GLI2: variants seen among roughly 807,000 people sequenced by gnomAD.
The protein encoded by GLI2 is transcription activator GLI2.
Under a neutral mutation model 78.9 loss-of-function variants are expected in GLI2, and 22 were observed. The ratio of observed to expected loss-of-function variants is 0.28; its 90% CI spans 0.20 to 0.40. The LOEUF is 0.40. Ranked by LOEUF, GLI2 falls within the 10% of genes least tolerant of loss-of-function variation. The pLI, the probability that GLI2 is intolerant of heterozygous loss-of-function variation, is 1.00. For synonymous variants in GLI2, 974 were observed against 963.7 expected (o/e 1.01, Z -0.20); for missense variants, 2,097 against 2,213.2 (o/e 0.95, Z 1.05).
chr2:120,808,769 TC>T lies in GLI2; in HGVS notation c.148+11305del, dbSNP rs1685080334. Among the ~76,000 whole-genome samples, 6 of 152,238 alleles carry T rather than the reference TC, an allele frequency of 3.9e-5. No individual in the cohort carries two copies. The South Asian group carries it at 1.2e-3, about 32-fold the overall frequency. The stretch of plus-strand genomic sequence containing the variant: ...GTCTGTGAAATGGGGGTGACAAGGC[TC>T]CCCTCAGCCAACTCTGTAGTGCAGG... On this transcript the variant is annotated intron_variant, in intron 2 of 13. Coordinates refer to ENST00000361492, the MANE Select transcript of GLI2 (RefSeq NM_001374353.1).
In GLI2 at chr2:120,857,671, C is replaced by T. The variant is rs562322531; in HGVS notation, c.148+60203C>T. ...CCTATCCATTCATCCACCCACCAGG[C>T]CACCCCGCTATCCAATGCATTTTTC... On this transcript the variant is annotated intron_variant, in intron 2 of 13. Transcript: ENST00000361492. Among the ~76,000 whole-genome samples the T allele has an allele frequency of 1.6e-4, 24 of 152,278 alleles. No homozygotes were observed. The South Asian group carries it at 3.5e-3, about 22-fold the overall frequency.
At chr2:120,928,759 T>TAA (rs1679812397) in intron 3 of GLI2, among the ~76,000 whole-genome samples, 1 of 152,248 alleles carries the variant, frequency 6.6e-6, no homozygotes, top group Non-Finnish European at 1.5e-5. Context: ...AAAACTGTTT[T>TAA]ACTTTTAAAT....
chr2:120,913,612 A>G (rs1042120661), intron 2 of GLI2, among the ~76,000 whole-genome samples: 4 of 152,322 alleles, frequency 2.6e-5, no homozygotes, highest in African/African-American at 9.6e-5. Flanking sequence ...TTTGAGTAAC[A>G]TAATTATTGG....
chr2:120,819,046 A>G (rs1397978270), intron 2 of GLI2, among the ~76,000 whole-genome samples: 2 of 152,130 alleles, frequency 1.3e-5, no homozygotes, highest in Non-Finnish European at 2.9e-5. Context: ...GGCTTTTATC[A>G]TACACTCTTA....
At chr2:120,827,811 C>T (rs577281345) in intron 2 of GLI2, among the ~76,000 whole-genome samples, 2 of 152,260 alleles carry the variant, frequency 1.3e-5, no homozygotes, top group South Asian at 2.1e-4. Flanking sequence ...TCCACTTATA[C>T]GCGGTCCCTA....
chr2:120,798,644 A>T (rs748947039), intron 2 of GLI2, among the ~76,000 whole-genome samples: 3 of 152,150 alleles, frequency 2.0e-5, no homozygotes, highest in Non-Finnish European at 4.4e-5. Flanking sequence ...GAGCTGGACG[A>T]TGCCTCTCCA....
chr2:120,889,066 C>T (rs765061387), intron 2 of GLI2, among the ~76,000 whole-genome samples: 18 of 152,134 alleles, frequency 1.2e-4, no homozygotes, highest in African/African-American at 3.6e-4. Flanking sequence ...ATGGGTTGGG[C>T]GCTGCAGGAC....
chr2:120,833,136 T>C (rs1329435658), intron 2 of GLI2, among the ~76,000 whole-genome samples: 1 of 151,964 alleles, frequency 6.6e-6, no homozygotes, highest in Non-Finnish European at 1.5e-5. Flanking sequence ...TGCCTTTCTC[T>C]CCTGTCCACC....
At chr2:120,971,869 A>T in intron 7 of GLI2, 72 bp from the exon 8 acceptor site, 1 of 1,393,316 alleles carries the variant, frequency 7.2e-7, no homozygotes, top group Non-Finnish European at 1.0e-6. Flanking sequence ...TCCTAGAGTT[A>T]AAGTCCAAAA....
chr2:120,746,385 C>G (rs919977545), intron 1 of GLI2, among the ~76,000 whole-genome samples: 1 of 152,190 alleles, frequency 6.6e-6, no homozygotes, highest in Non-Finnish European at 1.5e-5. Context: ...TCGAGCTGCA[C>G]CCCCCCAGAA....
Position 120,787,914 on chromosome 2 carries a change from T to C in GLI2, c.-30-9377T>C, listed in dbSNP as rs145759444. ...CAACCCGAGAGTTTAGATGTCAGACTGTAGAGGCGCTGGCACCAGGGTGGG... is the reference window on the plus strand; with the variant it reads ...CAACCCGAGAGTTTAGATGTCAGACCGTAGAGGCGCTGGCACCAGGGTGGG... On this transcript the variant is annotated intron_variant, in intron 1 of 13. Coordinates refer to ENST00000361492, the MANE Select transcript of GLI2 (RefSeq NM_001374353.1). Among the ~76,000 whole-genome samples the C allele has an allele frequency of 4.9e-3, 744 of 152,254 alleles. 6 individuals carry two copies. The highest frequency in any genetic ancestry group is 0.017 in the African/African-American group (710 of 41,548).
At chr2:120,741,331 A>T (rs192604164) in intron 1 of GLI2, among the ~76,000 whole-genome samples, 2 of 151,920 alleles carry the variant, frequency 1.3e-5, no homozygotes, top group Admixed American at 6.5e-5. Flanking sequence ...TCTATTGTAC[A>T]CATGTCCGCC....
intron 2 of GLI2, among the ~76,000 whole-genome samples, chr2:120,821,226 A>T (rs1341143128): frequency 6.6e-6 from 1 of 152,132 alleles, no homozygotes; most frequent in Non-Finnish European, 1.5e-5. Context: ...CAGATGCGCC[A>T]GGAGGGTTCT....
intron 3 of GLI2, among the ~76,000 whole-genome samples, chr2:120,936,892 A>C (rs1680224734): frequency 6.6e-6 from 1 of 152,172 alleles, no homozygotes; most frequent in Non-Finnish European, 1.5e-5. Flanking sequence ...GCTGAGGGAA[A>C]ATGTGAGCAG....
At chr2:120,858,890 C>G (rs1279397873) in intron 2 of GLI2, among the ~76,000 whole-genome samples, 2 of 152,228 alleles carry the variant, frequency 1.3e-5, no homozygotes, top group South Asian at 2.1e-4. Context: ...AGGGCAGACT[C>G]TATCCCCAGG....
chr2:120,766,644 G>A (rs575533176), intron 1 of GLI2, among the ~76,000 whole-genome samples: 4 of 152,236 alleles, frequency 2.6e-5, no homozygotes, highest in Admixed American at 6.5e-5. Flanking sequence ...GACTGGCCTG[G>A]TGGCATCCTG....
chr2:120,749,210 T>G (rs780123066), intron 1 of GLI2, among the ~76,000 whole-genome samples: 4 of 152,238 alleles, frequency 2.6e-5, no homozygotes, highest in Non-Finnish European at 2.9e-5. Context: ...TATAAATGAA[T>G]TTTGGGAAAT....
At chr2:120,751,164 G>A (rs896809224) in intron 1 of GLI2, among the ~76,000 whole-genome samples, 8 of 152,226 alleles carry the variant, frequency 5.3e-5, no homozygotes, top group East Asian at 1.9e-4. Flanking sequence ...AAAGGGCCCC[G>A]GAAGGATCCC....
intron 5 of GLI2, 86 bp from the exon 6 acceptor site, chr2:120,968,628 G>A (rs1681974266): frequency 6.9e-6 from 7 of 1,008,424 alleles, no homozygotes; most frequent in Non-Finnish European, 1.1e-5. Flanking sequence ...GACCATCCTT[G>A]CAGGCTCTTC....
Sources: gnomAD v4.1 joint callset for allele counts (sites outside exome capture counted in the v4.1 genomes callset) on GRCh38, gnomAD v4.1.1 for gene constraint, MANE v1.5 for transcripts, NCBI Gene and HGNC (gene_info 2026-07-23, HGNC 2026-07-21) for gene names.